Variants in PCDHA1 observed in about 807,000 individuals in gnomAD.
PCDHA1 encodes protocadherin alpha-1.
A neutral mutation model predicts 61.3 loss-of-function variants in PCDHA1; 42 were observed. The ratio of observed to expected loss-of-function variants is 0.69; its 90% CI spans 0.54 to 0.89. The LOEUF is 0.89. Among genes scored for constraint, PCDHA1 ranks in the 40% least tolerant of loss-of-function variants. The probability of loss-of-function intolerance (pLI) is 0.00; values close to 1 mark genes in which losing one functional copy is unlikely to be tolerated. For synonymous variants in PCDHA1, 610 were observed against 553.8 expected, an observed-to-expected ratio of 1.10 and a Z score of -1.43; for missense variants, 1,256 against 1,235.3, an observed-to-expected ratio of 1.02 and a Z score of -0.25.
Position 140,851,830 on chromosome 5 carries a change from T to A in PCDHA1, c.2394+63146T>A, listed in dbSNP as rs565233003. The A allele has an allele frequency of 1.6e-4, 153 of 967,896 alleles. 10 individuals carry two copies. In the African/African-American group the frequency reaches 2.0e-3, roughly 13 times the overall value. 60.0% of individuals were successfully genotyped at this position (967,896 alleles called of 1,614,324 possible). On this transcript the variant is annotated intron_variant, in intron 1 of 3. Transcript: ENST00000504120. ...TCCATAAGACAGAAATCTGTTTTTT[T>A]AAAAATATCTTTTTCTCCTCTCAGC...
chr5:140,883,109 T>A (rs782237873), intron 1 of PCDHA1: 1 of 1,613,962 alleles, frequency 6.2e-7, no homozygotes, highest in Non-Finnish European at 8.5e-7. Context: ...AGTTTACTCA[T>A]TTAGAAGGCC....
chr5:140,792,905 C>T (rs1761738035), intron 1 of PCDHA1, among the ~76,000 whole-genome samples: 2 of 152,318 alleles, frequency 1.3e-5, no homozygotes, highest in East Asian at 3.9e-4. Context: ...ATGCCATGAC[C>T]TCCACTTTTC....
chr5:140,882,745 T>C (rs782756975), intron 1 of PCDHA1: 1 of 1,614,124 alleles, frequency 6.2e-7, no homozygotes, highest in Non-Finnish European at 8.5e-7. Flanking sequence ...GCGCATCCGA[T>C]GCAGATATTG....
At chr5:140,869,532 G>A (rs917843661) in intron 1 of PCDHA1, 3 of 1,614,130 alleles carry the variant, frequency 1.9e-6, no homozygotes, top group Non-Finnish European at 1.7e-6. Flanking sequence ...TGCTGATTGC[G>A]GAATCTAAGC....
intron 1 of PCDHA1, among the ~76,000 whole-genome samples, chr5:140,970,926 G>A (rs1179837731): frequency 6.6e-6 from 1 of 152,154 alleles, no homozygotes; most frequent in Non-Finnish European, 1.5e-5. Flanking sequence ...AGAAGTGCCT[G>A]GTGTTAGTCA....
chr5:140,823,261 C>A, intron 1 of PCDHA1: 4 of 1,613,028 alleles, frequency 2.5e-6, no homozygotes, highest in Non-Finnish European at 3.4e-6. Context: ...GCTGGTGGAG[C>A]GGCGGGTGGG....
intron 1 of PCDHA1, among the ~76,000 whole-genome samples, chr5:140,914,220 C>T (rs1210445622): frequency 6.6e-6 from 1 of 152,212 alleles, no homozygotes; most frequent in South Asian, 2.1e-4. Flanking sequence ...TCTCTTTTAG[C>T]TCTAATACTA....
rs1554140287 is a variant in PCDHA1 at position 140,843,629 on chromosome 5, A to T, written c.2394+54945A>T. ...TGAGGGGCCACCGAAGACGGACCTC[A>T]TGGCCTTCAGCCCCTGCCTTCCTCC... is the stretch of plus-strand genomic sequence containing the variant. On this transcript the variant is annotated intron_variant, in intron 1 of 3. Transcript: ENST00000504120. 3.1e-6 allele frequency: 5 copies of T among 1,595,972 alleles called. No homozygotes were observed. The East Asian group carries it at 8.9e-5, about 28-fold the overall frequency.
At chr5:140,868,946 G>A in intron 1 of PCDHA1, 1 of 1,292,214 alleles carries the variant, frequency 7.7e-7, no homozygotes, top group Middle Eastern at 2.5e-4. Flanking sequence ...TCTGAACAGT[G>A]AGGCACTCCC....
At chr5:140,937,933 A>T (rs1452935525) in intron 1 of PCDHA1, among the ~76,000 whole-genome samples, 1 of 151,854 alleles carries the variant, frequency 6.6e-6, no homozygotes, top group Non-Finnish European at 1.5e-5. Flanking sequence ...AAAAAGTTTA[A>T]TTTGATAATT....
chr5:140,832,090 C>T (rs1233831526), intron 1 of PCDHA1, among the ~76,000 whole-genome samples: 2 of 152,154 alleles, frequency 1.3e-5, no homozygotes, highest in Admixed American at 1.3e-4. Flanking sequence ...ATTTTAAATG[C>T]CATGTTCTAC....
At position 140,787,031 on chromosome 5, in the gene PCDHA1, C is replaced by T. The variant is rs1039631459; in HGVS notation, c.741C>T (p.Tyr247=). The T allele has an allele frequency of 6.2e-7, 1 of 1,614,180 alleles. No homozygotes were observed. The highest frequency in any genetic ancestry group is 1.7e-5 in the Admixed American group (1 of 60,020). The part of the protein sequence containing the change: ...DNAPLFDQAV[Y]RVHLLETTAN... The stretch of plus-strand genomic sequence containing the variant: ...CCCCACTGTTTGACCAGGCCGTATA[C>T]AGAGTCCACTTGTTAGAGACTACAG... Residue 247 remains tyrosine (Y), a synonymous_variant, in exon 1 of 4, where the codon TAC becomes TAT. Coordinates refer to ENST00000504120, the MANE Select transcript of PCDHA1 (RefSeq NM_018900.4).
chr5:140,807,666 C>T, intron 1 of PCDHA1: 3 of 1,614,226 alleles, frequency 1.9e-6, no homozygotes, highest in Non-Finnish European at 2.5e-6. Context: ...GCCTCGGATG[C>T]AGATATCGGG....
At chr5:140,875,445 C>A (rs2055496471) in intron 1 of PCDHA1, 1 of 1,582,278 alleles carries the variant, frequency 6.3e-7, no homozygotes, top group Middle Eastern at 1.7e-4. Context: ...AACTGATTGT[C>A]CCAACTCAGA....
intron 1 of PCDHA1, chr5:140,851,364 T>A (rs1293968731): frequency 6.1e-6 from 6 of 975,758 alleles, no homozygotes; most frequent in African/African-American, 1.8e-5. Flanking sequence ...ACTGTGAACA[T>A]CTGATTGTTC....
intron 1 of PCDHA1, among the ~76,000 whole-genome samples, chr5:140,951,153 G>T (rs1585399827): frequency 3.4e-5 from 1 of 29,832 alleles, no homozygotes; most frequent in Admixed American, 3.1e-4. Context: ...ATTGAATATA[G>T]TTATAGTAGC....
At chr5:140,947,010 A>C (rs924112965) in intron 1 of PCDHA1, among the ~76,000 whole-genome samples, 7 of 151,752 alleles carry the variant, frequency 4.6e-5, no homozygotes, top group African/African-American at 1.4e-4. Flanking sequence ...AGAAATGATA[A>C]ATGTTTGAGG....
intron 1 of PCDHA1, chr5:140,850,637 G>A: frequency 6.3e-7 from 1 of 1,598,640 alleles, no homozygotes; most frequent in Non-Finnish European, 8.6e-7. Flanking sequence ...TGGTTCTCAC[G>A]CTGCTGCTGT....
At chr5:140,968,644 G>C (rs1554230935) in intron 1 of PCDHA1, 3 of 1,614,046 alleles carry the variant, frequency 1.9e-6, no homozygotes, top group African/African-American at 2.7e-5. Context: ...ATCTAGCCCA[G>C]ACTTCTGACC....
Sources: gnomAD v4.1 joint callset for allele counts (sites outside exome capture counted in the v4.1 genomes callset) on GRCh38, gnomAD v4.1.1 for gene constraint, MANE v1.5 for transcripts, NCBI Gene and HGNC (gene_info 2026-07-23, HGNC 2026-07-21) for gene names.